The following DSCAM variants were observed in gnomAD, a reference collection of about 807,000 sequenced individuals.
DSCAM encodes the protein DS cell adhesion molecule.
DSCAM carries 47 observed loss-of-function variants against 217.7 expected under a neutral mutation model. The ratio of observed to expected loss-of-function variants is 0.22; its 90% CI spans 0.17 to 0.28. The LOEUF (loss-of-function observed/expected upper bound fraction) is 0.28, where lower values mean the gene tolerates loss of function less well. Ranked by LOEUF, DSCAM falls within the 10% of genes least tolerant of loss-of-function variation. The pLI is 1.00. For missense variants in DSCAM, 2,080 were observed against 2,618.3 expected (o/e 0.79, Z 4.49); for synonymous variants, 1,056 against 1,015.3 (o/e 1.04, Z -0.76).
intron 3 of DSCAM, among the ~76,000 whole-genome samples, chr21:40,571,298 G>A (rs934812138): frequency 1.3e-5 from 2 of 151,698 alleles, no homozygotes; most frequent in African/African-American, 4.8e-5. Context: ...ATAGAAGAGA[G>A]CAATTCAAAT....
At chr21:40,811,703 C>G (rs1010714513) in intron 1 of DSCAM, among the ~76,000 whole-genome samples, 1 of 152,222 alleles carries the variant, frequency 6.6e-6, no homozygotes, top group Non-Finnish European at 1.5e-5. Flanking sequence ...GAGCAGTTAA[C>G]TCAGCTTTGG....
At chr21:40,088,331 T>A (rs1050603253) in intron 21 of DSCAM, among the ~76,000 whole-genome samples, 1 of 152,080 alleles carries the variant, frequency 6.6e-6, no homozygotes, top group Non-Finnish European at 1.5e-5. Flanking sequence ...AGGGTTTGCA[T>A]TGGCAAAGGA....
intron 1 of DSCAM, among the ~76,000 whole-genome samples, chr21:40,803,885 T>A (rs542455425): frequency 2.0e-4 from 31 of 152,306 alleles, no homozygotes; most frequent in African/African-American, 7.0e-4. Context: ...CCAGCCTAAA[T>A]GGTCCTTCAG....
chr21:40,536,000 A>C (rs1270426700), intron 3 of DSCAM, among the ~76,000 whole-genome samples: 1 of 152,206 alleles, frequency 6.6e-6, no homozygotes, highest in East Asian at 1.9e-4. Flanking sequence ...CAAATAAAGA[A>C]GCCCCTACAA....
rs147053602 is a variant in DSCAM, at chr21:40,333,479, C to G, written c.1783+4622G>C. 7.5e-3 allele frequency among the ~76,000 whole-genome samples: 1,145 copies of G among 152,278 alleles called. 4 individuals carry two copies. Among genetic ancestry groups the G allele is most frequent in the Middle Eastern group, 0.034 (10 of 294 alleles). On this transcript the variant is annotated intron_variant, in intron 8 of 32. Transcript: ENST00000400454. ...TCCTGGGTTCAAGCCATCCTCCCTC[C>G]TCAGCCACCTGAGTATCTAGGATTA...
At chr21:40,548,353 G>A (rs779552745) in intron 3 of DSCAM, among the ~76,000 whole-genome samples, 1 of 152,026 alleles carries the variant, frequency 6.6e-6, no homozygotes, top group Non-Finnish European at 1.5e-5. Flanking sequence ...GCTTGGTACT[G>A]ATCTTTAAGT....
chr21:40,846,783 C>CCGCCGA lies in DSCAM; in HGVS notation c.-123_-122insTCGGCG, dbSNP rs1248563043. On this transcript the variant is annotated 5_prime_UTR_variant, in exon 1 of 33. Coordinates refer to ENST00000400454, the MANE Select transcript of DSCAM (RefSeq NM_001389.5). Reference sequence around the variant, plus strand: ...GGGGCCGCCGCCCGCCCGCCGCCCGCCGCCGCCGCCGCCGCTGCCTAGCCG... The same window carrying CCGCCGA: ...GGGGCCGCCGCCCGCCCGCCGCCCGCCGCCGACGCCGCCGCCGCCGCTGCCTAGCCG... 1.5e-5 allele frequency: 4 copies of CCGCCGA among 261,314 alleles called. No individual in the cohort carries two copies. Among genetic ancestry groups the CCGCCGA allele is most frequent in the African/African-American group, 2.3e-5 (1 of 42,776 alleles). The allele number at this position is 261,314 out of a possible 1,614,324, so 16.2% of individuals were successfully genotyped here. A position where few individuals can be genotyped will look rare whatever the true frequency, so the allele number is the denominator to read the frequency against.
chr21:40,412,897 GTC>G (rs2075336359), intron 3 of DSCAM, among the ~76,000 whole-genome samples: 1 of 152,210 alleles, frequency 6.6e-6, no homozygotes, highest in Admixed American at 6.5e-5. Flanking sequence ...CAAGCCCAAG[GTC>G]TCTGTGTGCA....
chr21:40,370,332 C>T (rs371009704), intron 3 of DSCAM, among the ~76,000 whole-genome samples: 71 of 151,352 alleles, frequency 4.7e-4, no homozygotes, highest in African/African-American at 1.6e-3. Context: ...CTCCTGCCAC[C>T]GTTAGACTCT....
At chr21:40,204,565 G>C (rs2091104065) in intron 11 of DSCAM, among the ~76,000 whole-genome samples, 1 of 152,160 alleles carries the variant, frequency 6.6e-6, no homozygotes, top group Non-Finnish European at 1.5e-5. Flanking sequence ...TTATAGGTTT[G>C]TGGAAGGGAC....
At chr21:40,780,106 C>A (rs1269775232) in intron 1 of DSCAM, among the ~76,000 whole-genome samples, 2 of 152,146 alleles carry the variant, frequency 1.3e-5, no homozygotes, top group Non-Finnish European at 2.9e-5. Context: ...ATGTCATCGT[C>A]TCCATTTGAA....
chr21:40,652,546 A>AT (rs1185008025), intron 3 of DSCAM, among the ~76,000 whole-genome samples: 1 of 152,134 alleles, frequency 6.6e-6, no homozygotes, highest in Non-Finnish European at 1.5e-5. Context: ...TCAAGGACCT[A>AT]TCCACAGGAG....
intron 3 of DSCAM, among the ~76,000 whole-genome samples, chr21:40,475,856 T>TA (rs1398409299): frequency 2.8e-5 from 4 of 144,752 alleles, no homozygotes; most frequent in East Asian, 2.1e-4. Context: ...TAAATAAAAT[T>TA]TAAAAAAAAA....
chr21:40,610,507 G>A, intron 3 of DSCAM, among the ~76,000 whole-genome samples: 1 of 152,202 alleles, frequency 6.6e-6, no homozygotes, highest in East Asian at 1.9e-4. Context: ...GGGAACATAT[G>A]TGCTTATACG....
chr21:40,686,316 C>T (rs933552979), intron 3 of DSCAM, among the ~76,000 whole-genome samples: 4 of 150,938 alleles, frequency 2.7e-5, no homozygotes, highest in South Asian at 2.1e-4. Context: ...CACACACACA[C>T]ACCACATATA....
chr21:40,066,056 G>A (rs1412672972), intron 27 of DSCAM, among the ~76,000 whole-genome samples: 1 of 152,216 alleles, frequency 6.6e-6, no homozygotes, highest in African/African-American at 2.4e-5. Flanking sequence ...CCATGCAGAC[G>A]CAACTTGCTC....
At position 40,017,696 on chromosome 21, in the gene DSCAM, CAT is replaced by C. The variant is rs1309377682; in HGVS notation, c.5687-4312_5687-4311del. On this transcript the variant is annotated intron_variant, in intron 32 of 32. Transcript: ENST00000400454. ...CCTCCTGAGTAGCTGGGATTACAGG[CAT>C]GCACCACCACGCCTGGCTAATTTTT... Among the ~76,000 whole-genome samples, 18 of 152,102 alleles carry C rather than the reference CAT, an allele frequency of 1.2e-4. No homozygotes were observed. The East Asian group carries it at 2.7e-3, about 23-fold the overall frequency.
intron 30 of DSCAM, among the ~76,000 whole-genome samples, chr21:40,048,219 G>A (rs778931780): frequency 2.4e-4 from 36 of 152,232 alleles, no homozygotes; most frequent in Non-Finnish European, 4.8e-4. Flanking sequence ...CGGGCACATG[G>A]CACAGGCACA....
At chr21:40,573,917 A>T (rs2076828502) in intron 3 of DSCAM, among the ~76,000 whole-genome samples, 1 of 152,160 alleles carries the variant, frequency 6.6e-6, no homozygotes. Context: ...ATCTTATCAC[A>T]ACTGATGCAA....
Sources: allele counts gnomAD v4.1 joint callset (sites outside exome capture counted in the v4.1 genomes callset), GRCh38; gene constraint gnomAD v4.1.1; transcripts MANE v1.5; gene names NCBI Gene and HGNC (gene_info 2026-07-23, HGNC 2026-07-21).